Variants in LPCAT2 observed in about 807,000 individuals in gnomAD.
LPCAT2 encodes the protein 1-AGP acyltransferase 11.
In LPCAT2, 58 loss-of-function variants were observed where a neutral mutation model predicts 64.7. The ratio of observed to expected loss-of-function variants is 0.90; its 90% CI spans 0.73 to 1.12. The LOEUF (loss-of-function observed/expected upper bound fraction) is 1.12. LPCAT2 is among the 50% of genes most tolerant of loss of function. LPCAT2 has a pLI of 0.00. For synonymous variants in LPCAT2, 252 were observed against 245.3 expected (o/e 1.03, Z -0.26); for missense variants, 579 against 669.8 (o/e 0.86, Z 1.50).
At chr16:55,509,842 G>A (rs950874329) in intron 1 of LPCAT2, among the ~76,000 whole-genome samples, 4 of 152,106 alleles carry the variant, frequency 2.6e-5, no homozygotes, top group Admixed American at 2.6e-4. Context: ...TCCAAAACAG[G>A]AAGAGACTGA....
At chr16:55,581,089 A>G (rs1244148682) in intron 13 of LPCAT2, among the ~76,000 whole-genome samples, 2 of 152,208 alleles carry the variant, frequency 1.3e-5, no homozygotes, top group African/African-American at 4.8e-5. Flanking sequence ...CATAGAGTCA[A>G]TCACAGGACT....
chr16:55,576,668 A>G (rs1963831476), intron 12 of LPCAT2, among the ~76,000 whole-genome samples: 1 of 152,170 alleles, frequency 6.6e-6, no homozygotes, highest in Non-Finnish European at 1.5e-5. Context: ...TGGGAAAGAC[A>G]GAATGTTTTC....
chr16:55,523,484 T>G (rs1963126510), intron 1 of LPCAT2, among the ~76,000 whole-genome samples: 1 of 151,766 alleles, frequency 6.6e-6, no homozygotes, highest in Non-Finnish European at 1.5e-5. Context: ...ATTTGAACAT[T>G]GATGTTCATA....
intron 2 of LPCAT2, 48 bp from the exon 3 acceptor site, chr16:55,528,329 C>T: frequency 6.9e-7 from 1 of 1,452,502 alleles, no homozygotes; most frequent in East Asian, 2.3e-5. Context: ...AACCCTGCTG[C>T]TAGCTTTAAT....
intron 10 of LPCAT2, 128 bp downstream of exon 10, chr16:55,549,530 G>A (rs1963491712): frequency 9.7e-6 from 9 of 925,348 alleles, no homozygotes; most frequent in Non-Finnish European, 1.4e-5. Context: ...AGGAAAGTCA[G>A]AGTTGAGAAT....
intron 1 of LPCAT2, among the ~76,000 whole-genome samples, chr16:55,512,812 C>A (rs1009754548): frequency 1.3e-5 from 2 of 152,176 alleles, no homozygotes; most frequent in African/African-American, 4.8e-5. Flanking sequence ...AGGCTTTACA[C>A]TGAAACCTCA....
At chr16:55,576,464 G>A (rs1050266633) in intron 12 of LPCAT2, among the ~76,000 whole-genome samples, 3 of 151,492 alleles carry the variant, frequency 2.0e-5, no homozygotes, top group Admixed American at 1.3e-4. Flanking sequence ...ACTGACTGAC[G>A]CCAAAGTGGA....
At chr16:55,576,946 C>A (rs930002917) in intron 12 of LPCAT2, among the ~76,000 whole-genome samples, 1 of 152,148 alleles carries the variant, frequency 6.6e-6, no homozygotes, top group African/African-American at 2.4e-5. Context: ...GACACCAAAG[C>A]ACCAAACCTG....
chr16:55,563,582 T>C (rs1311068496), intron 11 of LPCAT2, among the ~76,000 whole-genome samples: 1 of 152,062 alleles, frequency 6.6e-6, no homozygotes, highest in South Asian at 2.1e-4. Flanking sequence ...ACACAGCATA[T>C]TCTCAGAATG....
chr16:55,530,096 G>T, intron 4 of LPCAT2, 149 bp downstream of exon 4: 1 of 509,752 alleles, frequency 2.0e-6, no homozygotes. Context: ...AAATACAGTA[G>T]CCAGTATTAA....
intron 1 of LPCAT2, among the ~76,000 whole-genome samples, chr16:55,510,352 T>C (rs1398358376): frequency 6.6e-6 from 1 of 151,736 alleles, no homozygotes; most frequent in East Asian, 1.9e-4. Flanking sequence ...CCTTTTACCA[T>C]TGGCAGTTGC....
At chr16:55,534,040 C>T (rs1963291585) in intron 6 of LPCAT2, among the ~76,000 whole-genome samples, 1 of 151,932 alleles carries the variant, frequency 6.6e-6, no homozygotes, top group Admixed American at 6.6e-5. Context: ...TACTTCTGCC[C>T]ATAGGTTTGA....
At chr16:55,534,387 A>AT in intron 6 of LPCAT2, 56 bp from the exon 7 acceptor site, 1 of 1,017,106 alleles carries the variant, frequency 9.8e-7, no homozygotes. Context: ...TAAGATCTTT[A>AT]TTTTATTTAG....
chr16:55,534,144 C>T lies in LPCAT2; in HGVS notation c.763-299C>T, dbSNP rs562460378. Among the ~76,000 whole-genome samples the T allele has an allele frequency of 8.6e-4, 130 of 151,964 alleles. No homozygotes were observed. The South Asian group carries it at 0.011, about 13-fold the overall frequency. On this transcript the variant is annotated intron_variant, in intron 6 of 13. Transcript: ENST00000262134. Reference sequence around the variant, plus strand: ...AGTTTTTTGTAATCAAATTAATTATCCAGATATGTTCATATTAGGAGAAAA... The same window carrying T: ...AGTTTTTTGTAATCAAATTAATTATTCAGATATGTTCATATTAGGAGAAAA...
intron 1 of LPCAT2, among the ~76,000 whole-genome samples, chr16:55,519,930 A>G (rs1963071778): frequency 1.3e-5 from 2 of 152,304 alleles, no homozygotes; most frequent in African/African-American, 4.8e-5. Context: ...AGAAATTTAA[A>G]TGGATCACTA....
At chr16:55,571,899 C>T (rs1963774421) in intron 11 of LPCAT2, among the ~76,000 whole-genome samples, 1 of 151,916 alleles carries the variant, frequency 6.6e-6, no homozygotes, top group African/African-American at 2.4e-5. Flanking sequence ...TCATTTTTTT[C>T]ATTGGTAAAA....
intron 11 of LPCAT2, among the ~76,000 whole-genome samples, chr16:55,559,908 A>G (rs947691139): frequency 6.6e-6 from 1 of 152,070 alleles, no homozygotes; most frequent in Admixed American, 6.6e-5. Context: ...TAGCTCCTCC[A>G]TTTAGTCCAT....
At chr16:55,554,066 C>T (rs1193612306) in intron 11 of LPCAT2, among the ~76,000 whole-genome samples, 1 of 152,068 alleles carries the variant, frequency 6.6e-6, no homozygotes, top group Non-Finnish European at 1.5e-5. Flanking sequence ...TGCAGTCATC[C>T]AGGCTTTGTT....
At chr16:55,509,450 C>T (rs1323780343) in intron 1 of LPCAT2, 98 bp downstream of exon 1, 5 of 1,135,816 alleles carry the variant, frequency 4.4e-6, no homozygotes, top group Admixed American at 4.3e-5. Flanking sequence ...GGAGGGCGGC[C>T]GAGGGGGGCG....
Sources: gnomAD v4.1 joint callset for allele counts (sites outside exome capture counted in the v4.1 genomes callset) on GRCh38, gnomAD v4.1.1 for gene constraint, MANE v1.5 for transcripts, NCBI Gene and HGNC (gene_info 2026-07-23, HGNC 2026-07-21) for gene names.